The following IQUB variants were observed in gnomAD, a reference collection of about 807,000 sequenced individuals.
The protein encoded by IQUB is IQ motif and ubiquitin domain containing.
IQUB carries 86 observed loss-of-function variants against 86.4 expected under a neutral mutation model. The observed-to-expected ratio is 1.00, with a 90% CI of 0.84 to 1.19. The LOEUF is 1.19. Among genes scored for constraint, IQUB ranks in the 50% most tolerant of loss-of-function variants. IQUB has a pLI of 0.00. For synonymous variants in IQUB, 289 were observed against 304.5 expected, an observed-to-expected ratio of 0.95 and a Z score of 0.53; for missense variants, 946 against 916.9, an observed-to-expected ratio of 1.03 and a Z score of -0.41.
chr7:123,520,411 A>G (rs949754698), intron 1 of IQUB, among the ~76,000 whole-genome samples: 1 of 152,220 alleles, frequency 6.6e-6, no homozygotes, highest in African/African-American at 2.4e-5. Context: ...GAAGGTGGCT[A>G]GGAAGTATGA....
chr7:123,496,097 C>T lies in IQUB; in HGVS notation c.1234+599G>A, dbSNP rs537493085. Among the ~76,000 whole-genome samples the T allele has an allele frequency of 3.3e-5, 5 of 152,208 alleles. No homozygotes were observed. The East Asian group carries it at 9.6e-4, about 29-fold the overall frequency. The stretch of plus-strand genomic sequence containing the variant: ...GATCCAAAGGTGGGCAATGGAGAAA[C>T]ACCTCCAAGAAGGGGAATCGTGTAT... On this transcript the variant is annotated intron_variant, in intron 7 of 12. Coordinates refer to ENST00000324698, the MANE Select transcript of IQUB (RefSeq NM_178827.5).
intron 10 of IQUB, among the ~76,000 whole-genome samples, chr7:123,463,641 C>A (rs1323452584): frequency 6.6e-6 from 1 of 151,714 alleles, no homozygotes; most frequent in African/African-American, 2.4e-5. Flanking sequence ...AGGGAAAAAG[C>A]TGACTACAAA....
chr7:123,497,578 A>G (rs181661606), intron 6 of IQUB, among the ~76,000 whole-genome samples: 6 of 152,048 alleles, frequency 3.9e-5, no homozygotes, highest in Non-Finnish European at 7.4e-5. Flanking sequence ...TAGCTGAGAG[A>G]GTTTATCATT....
intron 1 of IQUB, among the ~76,000 whole-genome samples, chr7:123,520,118 A>G (rs1454309542): frequency 6.6e-6 from 1 of 152,080 alleles, no homozygotes; most frequent in Non-Finnish European, 1.5e-5. Context: ...CAATTATTGC[A>G]CATATTTATT....
intron 1 of IQUB, among the ~76,000 whole-genome samples, chr7:123,527,362 C>CTGCG (rs1276842914): frequency 2.0e-5 from 3 of 152,226 alleles, no homozygotes; most frequent in Admixed American, 2.0e-4. Flanking sequence ...TGGTGAGGAA[C>CTGCG]TGCGTTCCTC....
intron 7 of IQUB, among the ~76,000 whole-genome samples, chr7:123,486,463 C>A (rs1795215487): frequency 6.6e-6 from 1 of 152,148 alleles, no homozygotes; most frequent in South Asian, 2.1e-4. Flanking sequence ...AAGAAATTAT[C>A]CCTTCTACCT....
chr7:123,474,913 A>C (rs1325218261), intron 8 of IQUB, among the ~76,000 whole-genome samples: 1 of 152,216 alleles, frequency 6.6e-6, no homozygotes, highest in Non-Finnish European at 1.5e-5. Context: ...TGTGACCCAC[A>C]AAACACCTCT....
chr7:123,530,782 T>C (rs1211414949), intron 1 of IQUB, among the ~76,000 whole-genome samples: 2 of 146,976 alleles, frequency 1.4e-5, no homozygotes, highest in East Asian at 2.1e-4. Context: ...ATTCAAGCAA[T>C]TCTCCTGCCT....
At chr7:123,514,467 T>C (rs1796557558) in intron 1 of IQUB, among the ~76,000 whole-genome samples, 1 of 152,106 alleles carries the variant, frequency 6.6e-6, no homozygotes, top group Non-Finnish European at 1.5e-5. Context: ...ATCATAAACA[T>C]ATGGGTAAAT....
intron 1 of IQUB, among the ~76,000 whole-genome samples, chr7:123,530,924 G>A (rs562865503): frequency 6.1e-4 from 93 of 152,086 alleles, no homozygotes; most frequent in African/African-American, 2.1e-3. Flanking sequence ...TGCTCCGCCC[G>A]CCTCGGCCAC....
At chr7:123,506,727 CA>C (rs1223709210) in intron 3 of IQUB, among the ~76,000 whole-genome samples, 1 of 152,154 alleles carries the variant, frequency 6.6e-6, no homozygotes, top group Non-Finnish European at 1.5e-5. Context: ...TGGGTGGGGA[CA>C]CAAATCCAAA....
intron 3 of IQUB, 141 bp downstream of exon 3, chr7:123,509,760 T>A (rs1796336444): frequency 1.4e-6 from 1 of 690,604 alleles, no homozygotes; most frequent in Admixed American, 2.6e-5. Context: ...TTACTAAATA[T>A]GTATTGAATG....
Position 123,485,033 on chromosome 7 carries a change from G to A in IQUB, c.1235-5063C>T, listed in dbSNP as rs917800051. Among the ~76,000 whole-genome samples, 3 of 152,220 alleles carry A rather than the reference G, an allele frequency of 2.0e-5. No individual in the cohort carries two copies. In the East Asian group the frequency reaches 5.8e-4, roughly 29 times the overall value. On this transcript the variant is annotated intron_variant, in intron 7 of 12. Coordinates refer to ENST00000324698, the MANE Select transcript of IQUB (RefSeq NM_178827.5). ...AGAGACACTGGGTGAGGACAAGAGA[G>A]AGTCTGACTCCTTTCCTAAAATACT...
At chr7:123,527,116 A>T (rs1393338945) in intron 1 of IQUB, among the ~76,000 whole-genome samples, 1 of 152,054 alleles carries the variant, frequency 6.6e-6, no homozygotes, top group Non-Finnish European at 1.5e-5. Context: ...TCGGCTCCTG[A>T]GGCTTCTGCA....
chr7:123,531,810 C>T (rs1389647325), intron 1 of IQUB, among the ~76,000 whole-genome samples: 1 of 152,184 alleles, frequency 6.6e-6, no homozygotes, highest in Non-Finnish European at 1.5e-5. Flanking sequence ...GCTTCAGATG[C>T]CCAAGACTTA....
Position 123,529,959 on chromosome 7 carries a change from G to T in IQUB, c.-5+4533C>A, listed in dbSNP as rs367779027. Among the ~76,000 whole-genome samples, 49 of 152,080 alleles carry T rather than the reference G, an allele frequency of 3.2e-4. 1 individual carries two copies. The East Asian group carries it at 8.6e-3, about 27-fold the overall frequency. ...GAGGCAGGAGAATTGCTTGAACCAG[G>T]GAGTTGGAGGTTGCAGTGAGCCAAG... is the stretch of plus-strand genomic sequence containing the variant. On this transcript the variant is annotated intron_variant, in intron 1 of 12. Transcript: ENST00000324698.
chr7:123,529,739 A>AAAAAAAC (rs1797433311), intron 1 of IQUB, among the ~76,000 whole-genome samples: 1 of 147,622 alleles, frequency 6.8e-6, no homozygotes, highest in Non-Finnish European at 1.5e-5. Flanking sequence ...AAAAAAAAAA[A>AAAAAAAC]AAAAAAAAAA....
chr7:123,475,938 C>A (rs1794729465), intron 8 of IQUB, among the ~76,000 whole-genome samples: 1 of 152,158 alleles, frequency 6.6e-6, no homozygotes, highest in Non-Finnish European at 1.5e-5. Context: ...ACAGTAAATT[C>A]ATCTTTCCTA....
At chr7:123,526,359 G>A (rs1353382730) in intron 1 of IQUB, among the ~76,000 whole-genome samples, 1 of 151,982 alleles carries the variant, frequency 6.6e-6, no homozygotes, top group Non-Finnish European at 1.5e-5. Context: ...AGGTCACTCA[G>A]GACTTGCTTT....
Sources: gnomAD v4.1 joint callset for allele counts (sites outside exome capture counted in the v4.1 genomes callset) on GRCh38, gnomAD v4.1.1 for gene constraint, MANE v1.5 for transcripts, NCBI Gene and HGNC (gene_info 2026-07-23, HGNC 2026-07-21) for gene names.